SMIM23: variants seen among roughly 807,000 people sequenced by gnomAD.
SMIM23 encodes small integral membrane protein 23.
In SMIM23, 10 loss-of-function variants were observed where a neutral mutation model predicts 12.8. That is an observed-to-expected ratio of 0.78 (90% CI 0.48 to 1.32). SMIM23 has a LOEUF of 1.32. SMIM23 is among the 40% of genes most tolerant of loss of function. SMIM23 has a pLI of 0.00. For missense variants in SMIM23, 184 were observed against 198.2 expected (o/e 0.93, Z 0.43); for synonymous variants, 78 against 80.1 (o/e 0.97, Z 0.14).
At chr5:171,773,713 T>G in the SMIM23 span, 13 of 450,776 alleles carry the variant, frequency 2.9e-5, no homozygotes, top group African/African-American at 6.0e-5. Context: ...CCAGGCCCCA[T>G]CTAAAGGAAG....
At chr5:171,786,036 G>A in intron 1 of SMIM23, 60 bp downstream of exon 1, 1 of 1,344,556 alleles carries the variant, frequency 7.4e-7, no homozygotes, top group South Asian at 1.2e-5. Flanking sequence ...TGCCACTCCA[G>A]ACAGACTAGA....
rs1481348439 is a variant in SMIM23 at position 171,790,922 on chromosome 5, C to T, written c.353C>T (p.Ala118Val). ...GAGGTGCAGCAGCTGGAGCAGCTAGCGTGGGACCTGGAACTGTGGCTGGAT... is the reference window on the plus strand; with the variant it reads ...GAGGTGCAGCAGCTGGAGCAGCTAGTGTGGGACCTGGAACTGTGGCTGGAT... ...EEEVQQLEQL[A>V]WDLELWLDAL... Residue 118 changes from alanine to valine, a missense_variant, in exon 4 of 4, where the codon GCG becomes GTG. Coordinates refer to ENST00000523047, the MANE Select transcript of SMIM23 (RefSeq NM_001289970.2). 1 of 1,536,112 alleles carries T rather than the reference C, an allele frequency of 6.5e-7. No homozygotes were observed. Among genetic ancestry groups the T allele is most frequent in the Non-Finnish European group, 8.7e-7 (1 of 1,146,918 alleles).
chr5:171,778,398 G>C (rs1372137581), upstream of SMIM23, among the ~76,000 whole-genome samples: 2 of 149,310 alleles, frequency 1.3e-5, no homozygotes, highest in South Asian at 2.1e-4. Flanking sequence ...TTATCCAAAG[G>C]GCCCCAGCAT....
At position 171,791,084 on chromosome 5, in the gene SMIM23, T is replaced by G; in HGVS notation, c.515T>G (p.Leu172Arg). 1 of 1,484,256 alleles carries G rather than the reference T, an allele frequency of 6.7e-7. No homozygotes were observed. Among genetic ancestry groups the G allele is most frequent in the Admixed American group, 2.4e-5 (1 of 42,454 alleles). 91.9% of individuals were successfully genotyped at this position (1,484,256 alleles called of 1,614,324 possible). Residue 172 changes from leucine to arginine, a missense_variant, in exon 4 of 4, where the codon CTC becomes CGC. Transcript: ENST00000523047. ...GAGATTTCTCTAAGCGGGGCAGAGC[T>G]CTGACTCTTGAAGTTCCAGTCAGGC... ...LLEISLSGAE[L>R]
chr5:171,786,693 T>C (rs1755822501), intron 1 of SMIM23, among the ~76,000 whole-genome samples: 1 of 152,212 alleles, frequency 6.6e-6, no homozygotes, highest in Admixed American at 6.5e-5. Flanking sequence ...TAATTTACTA[T>C]ACATGCACCG....
chr5:171,780,208 C>T (rs1431525251), upstream of SMIM23, among the ~76,000 whole-genome samples: 1 of 152,180 alleles, frequency 6.6e-6, no homozygotes, highest in African/African-American at 2.4e-5. Context: ...TATTCATTCA[C>T]ACATTTCCAT....
upstream of SMIM23, among the ~76,000 whole-genome samples, chr5:171,778,447 T>TCA (rs4041455): frequency 0.036 from 5,130 of 141,542 alleles, 87 homozygotes; most frequent in Middle Eastern, 0.083. Flanking sequence ...TGGGAAAATT[T>TCA]CACACACACA....
the SMIM23 span, chr5:171,774,029 T>A: frequency 2.8e-6 from 1 of 362,698 alleles, no homozygotes; most frequent in Non-Finnish European, 5.4e-6. Flanking sequence ...GTGTGTGGTT[T>A]GGTGGCTATG....
intron 1 of SMIM23, among the ~76,000 whole-genome samples, 200 bp from the exon 2 acceptor site, chr5:171,790,030 T>G (rs1009970298): frequency 4.6e-5 from 7 of 152,260 alleles, no homozygotes; most frequent in Non-Finnish European, 1.0e-4. Flanking sequence ...TGAACATCAG[T>G]AAGTTGCAGT....
chr5:171,779,275 G>C (rs1263031546), upstream of SMIM23, among the ~76,000 whole-genome samples: 9 of 152,226 alleles, frequency 5.9e-5, no homozygotes, highest in East Asian at 3.9e-4. Flanking sequence ...TGCAACAATT[G>C]GCTGGCCTTT....
At chr5:171,784,853 A>G (rs976082034), upstream of SMIM23, among the ~76,000 whole-genome samples, 1 of 152,232 alleles carries the variant, frequency 6.6e-6, no homozygotes, top group Admixed American at 6.5e-5. Flanking sequence ...AGCAGTCAAA[A>G]AGAATGAACT....
chr5:171,778,342 G>A (rs1755672447), upstream of SMIM23, among the ~76,000 whole-genome samples: 1 of 150,688 alleles, frequency 6.6e-6, no homozygotes, highest in South Asian at 2.1e-4. Flanking sequence ...GGGTGACAGA[G>A]CGAGACTCCA....
At chr5:171,772,922 GT>G in the SMIM23 span, among the ~76,000 whole-genome samples, 1 of 152,208 alleles carries the variant, frequency 6.6e-6, no homozygotes, top group South Asian at 2.1e-4. Context: ...TTCACTAAGG[GT>G]GATAGGCCCC....
upstream of SMIM23, among the ~76,000 whole-genome samples, chr5:171,781,304 T>C (rs930446995): frequency 6.6e-6 from 1 of 152,214 alleles, no homozygotes; most frequent in Non-Finnish European, 1.5e-5. Context: ...CCGTCTTCCC[T>C]TCTCTCTGTC....
rs915668594 is a variant in SMIM23, at chr5:171,791,131, A to G, written c.*43A>G. The G allele has an allele frequency of 4.1e-5, 59 of 1,441,990 alleles. No individual in the cohort carries two copies. The highest frequency in any genetic ancestry group is 5.4e-5 in the Non-Finnish European group (59 of 1,102,338). The allele number at this position is 1,441,990 out of a possible 1,614,324, so 89.3% of individuals were successfully genotyped here. A position where few individuals can be genotyped will look rare whatever the true frequency, so the allele number is the denominator to read the frequency against. ...AGGCAAGAAAATAAAGTAGTTGGGA[A>G]ATGAAGTCCGCTGTTCACATTCATG... On this transcript the variant is annotated 3_prime_UTR_variant, in exon 4 of 4. Coordinates refer to ENST00000523047, the MANE Select transcript of SMIM23 (RefSeq NM_001289970.2).
At chr5:171,778,865 G>A (rs542016140), upstream of SMIM23, among the ~76,000 whole-genome samples, 2 of 152,292 alleles carry the variant, frequency 1.3e-5, no homozygotes, top group African/African-American at 4.8e-5. Flanking sequence ...TTCAGTGTCT[G>A]CCTGTGGTAT....
the SMIM23 span, among the ~76,000 whole-genome samples, chr5:171,773,002 C>G: frequency 4.8e-3 from 729 of 152,208 alleles, 6 homozygotes; most frequent in African/African-American, 0.017. Flanking sequence ...GTAGGGAATT[C>G]TTTTGGTTTG....
upstream of SMIM23, among the ~76,000 whole-genome samples, chr5:171,780,094 AG>A (rs1258376318): frequency 3.3e-5 from 5 of 152,198 alleles, no homozygotes; most frequent in Non-Finnish European, 7.3e-5. Context: ...ACAGGACTCA[AG>A]CACAAAGCAC....
At chr5:171,779,690 C>CT (rs1170239943), upstream of SMIM23, among the ~76,000 whole-genome samples, 4 of 152,128 alleles carry the variant, frequency 2.6e-5, no homozygotes, top group Admixed American at 2.6e-4. Context: ...TCTTTGCAAT[C>CT]TTACATTACT....
Sources: gnomAD v4.1 joint callset for allele counts (sites outside exome capture counted in the v4.1 genomes callset) on GRCh38, gnomAD v4.1.1 for gene constraint, MANE v1.5 for transcripts, NCBI Gene and HGNC (gene_info 2026-07-23, HGNC 2026-07-21) for gene names.